The following WWOX variants were observed in gnomAD, a reference collection of about 807,000 sequenced individuals.
WWOX encodes WW domain-containing oxidoreductase.
WWOX carries 69 observed loss-of-function variants against 46.2 expected under a neutral mutation model. The ratio of observed to expected loss-of-function variants is 1.49; its 90% CI spans 1.23 to 1.82. The LOEUF (loss-of-function observed/expected upper bound fraction) is 1.82. Ranked by LOEUF, WWOX falls within the 40% of genes most tolerant of loss-of-function variation. WWOX has a pLI of 0.00. For missense variants in WWOX, 919 were observed against 542.6 expected, an observed-to-expected ratio of 1.69 and a Z score of -6.89; for synonymous variants, 359 against 202.6, an observed-to-expected ratio of 1.77 and a Z score of -6.56.
chr16:79,087,711 T>C (rs2048879188), intron 8 of WWOX, among the ~76,000 whole-genome samples: 1 of 152,230 alleles, frequency 6.6e-6, no homozygotes, highest in Non-Finnish European at 1.5e-5. Context: ...ACTTAAGTTA[T>C]AGAGTTATTG....
intron 4 of WWOX, among the ~76,000 whole-genome samples, chr16:78,153,589 G>C (rs1002782941): frequency 6.6e-6 from 1 of 152,068 alleles, no homozygotes; most frequent in Non-Finnish European, 1.5e-5. Context: ...GATCGTTTTA[G>C]TGCTATGTTT....
At chr16:78,984,058 T>C (rs544949952) in intron 8 of WWOX, among the ~76,000 whole-genome samples, 1 of 152,076 alleles carries the variant, frequency 6.6e-6, no homozygotes, top group East Asian at 1.9e-4. Flanking sequence ...TTTTGTATTT[T>C]TAGTAGAGAC....
In WWOX at chr16:78,963,573, A is replaced by G. The variant is rs1273881526; in HGVS notation, c.1057-248035A>G. 2.0e-5 allele frequency among the ~76,000 whole-genome samples: 3 copies of G among 152,226 alleles called. No homozygotes were observed. In the East Asian group the frequency reaches 5.8e-4, roughly 29 times the overall value. On this transcript the variant is annotated intron_variant, in intron 8 of 8. Transcript: ENST00000566780. ...TGTGTCATCCTTGAATTACTGAATTAGAGTTCAGTATTTGCTTATGCTAGT... is the reference window on the plus strand; with the variant it reads ...TGTGTCATCCTTGAATTACTGAATTGGAGTTCAGTATTTGCTTATGCTAGT...
rs116649920 is a variant in WWOX, at chr16:78,823,469, C to T, written c.1057-388139C>T. On this transcript the variant is annotated intron_variant, in intron 8 of 8. Coordinates refer to ENST00000566780, the MANE Select transcript of WWOX (RefSeq NM_016373.4). ...CGCTTATCATCACCTGAATGTTCAC[C>T]ATGGTGACCCACATCTCAGGATGCT... is the stretch of plus-strand genomic sequence containing the variant. 6.3e-3 allele frequency among the ~76,000 whole-genome samples: 967 copies of T among 152,292 alleles called. 4 individuals carry two copies. Among genetic ancestry groups the T allele is most frequent in the African/African-American group, 0.022 (909 of 41,560 alleles).
rs74483989 is a variant in WWOX, at chr16:78,390,755, C to A, written c.605+3807C>A. 8.7e-3 allele frequency among the ~76,000 whole-genome samples: 1,326 copies of A among 152,220 alleles called. 23 individuals are homozygous for A. Among genetic ancestry groups the A allele is most frequent in the African/African-American group, 0.031 (1,278 of 41,536 alleles). On this transcript the variant is annotated intron_variant, in intron 6 of 8. Transcript: ENST00000566780. ...ACACATGTAACTCTATTCTTATCAC[C>A]CCCCATCTTCAGACATTAAAATTTT...
intron 5 of WWOX, among the ~76,000 whole-genome samples, chr16:78,311,399 G>A (rs868238180): frequency 2.7e-4 from 41 of 152,224 alleles, no homozygotes; most frequent in African/African-American, 8.9e-4. Context: ...ATTTATAACT[G>A]GGAGACAGAA....
At chr16:79,069,301 G>A (rs1026728765) in intron 8 of WWOX, among the ~76,000 whole-genome samples, 3 of 152,170 alleles carry the variant, frequency 2.0e-5, no homozygotes, top group Non-Finnish European at 2.9e-5. Context: ...AAGGCCGTGT[G>A]GCTTCGCATT....
chr16:78,173,990 C>T (rs763898595), intron 5 of WWOX, among the ~76,000 whole-genome samples: 2 of 152,024 alleles, frequency 1.3e-5, no homozygotes, highest in African/African-American at 2.4e-5. Flanking sequence ...CGCACTGTCT[C>T]ATGTGTCTTG....
At chr16:78,528,966 T>G (rs2043553046) in intron 8 of WWOX, among the ~76,000 whole-genome samples, 1 of 151,768 alleles carries the variant, frequency 6.6e-6, no homozygotes, top group Admixed American at 6.6e-5. Flanking sequence ...CTTTCTTTTT[T>G]TTTTTTAGGG....
intron 8 of WWOX, among the ~76,000 whole-genome samples, chr16:79,148,696 T>C (rs1201247091): frequency 6.6e-6 from 1 of 152,190 alleles, no homozygotes; most frequent in African/African-American, 2.4e-5. Context: ...TGTTGAGTCT[T>C]CCAGTTTGTG....
chr16:78,111,095 C>A (rs1020381162), intron 3 of WWOX, among the ~76,000 whole-genome samples: 1 of 152,026 alleles, frequency 6.6e-6, no homozygotes, highest in Non-Finnish European at 1.5e-5. Context: ...GGCCAGCCCT[C>A]CTCTGAGTGT....
chr16:78,370,634 T>A (rs977572462), intron 5 of WWOX, among the ~76,000 whole-genome samples: 3 of 152,156 alleles, frequency 2.0e-5, no homozygotes, highest in African/African-American at 7.2e-5. Context: ...TGTCTATCTT[T>A]TGTCTTTCTC....
intron 8 of WWOX, among the ~76,000 whole-genome samples, chr16:79,106,184 G>C (rs993549560): frequency 1.7e-4 from 26 of 152,324 alleles, no homozygotes; most frequent in Non-Finnish European, 2.5e-4. Context: ...CTATATTTCA[G>C]CAAGCCTTCC....
At position 78,386,065 on chromosome 16, in the gene WWOX, G is replaced by C. The variant is rs185726029; in HGVS notation, c.517-795G>C. Among the ~76,000 whole-genome samples, 7 of 152,170 alleles carry C rather than the reference G, an allele frequency of 4.6e-5. No individual in the cohort carries two copies. In the East Asian group the frequency reaches 1.4e-3, roughly 29 times the overall value. ...TCCAGTTCTCCTGGTTTCTTGCTAG[G>C]CGGGAACTTGGGCTTCTTTATCAGT... On this transcript the variant is annotated intron_variant, in intron 5 of 8. Transcript: ENST00000566780.
intron 8 of WWOX, among the ~76,000 whole-genome samples, chr16:78,457,484 C>G (rs1213209719): frequency 6.6e-6 from 1 of 152,138 alleles, no homozygotes; most frequent in Non-Finnish European, 1.5e-5. Context: ...AATAGAAAAA[C>G]TGTTGATTCT....
At chr16:78,420,807 G>A (rs1005025713) in intron 6 of WWOX, among the ~76,000 whole-genome samples, 5 of 152,024 alleles carry the variant, frequency 3.3e-5, no homozygotes, top group Non-Finnish European at 7.4e-5. Context: ...TAATAAATTA[G>A]CTAATGCTTA....
intron 8 of WWOX, among the ~76,000 whole-genome samples, chr16:78,489,554 A>AGCTTT (rs2084727265): frequency 6.6e-6 from 1 of 152,078 alleles, no homozygotes; most frequent in Non-Finnish European, 1.5e-5. Flanking sequence ...TGTACGTAAC[A>AGCTTT]CAAATGTTAC....
intron 8 of WWOX, among the ~76,000 whole-genome samples, chr16:79,133,831 C>G (rs922922953): frequency 3.3e-5 from 5 of 152,126 alleles, no homozygotes; most frequent in African/African-American, 1.2e-4. Context: ...TTGGTCAATC[C>G]TCAGTAAATG....
intron 8 of WWOX, among the ~76,000 whole-genome samples, chr16:79,171,409 C>T (rs527886244): frequency 6.6e-6 from 1 of 152,282 alleles, no homozygotes; most frequent in South Asian, 2.1e-4. Flanking sequence ...CCATTATTAG[C>T]TCTCTCCATT....
Sources: allele counts gnomAD v4.1 joint callset (sites outside exome capture counted in the v4.1 genomes callset), GRCh38; gene constraint gnomAD v4.1.1; transcripts MANE v1.5; gene names NCBI Gene and HGNC (gene_info 2026-07-23, HGNC 2026-07-21).